Variants in DPP10 observed in about 807,000 individuals in gnomAD.
DPP10 encodes the protein inactive dipeptidyl peptidase 10.
Under a neutral mutation model 120.9 loss-of-function variants are expected in DPP10, and 33 were observed. The ratio of observed to expected loss-of-function variants is 0.27; its 90% CI spans 0.21 to 0.37. DPP10 has a LOEUF of 0.37. DPP10 is among the 10% of genes least tolerant of loss of function. The probability of loss-of-function intolerance (pLI) is 1.00; values close to 1 mark genes in which losing one functional copy is unlikely to be tolerated. For synonymous variants in DPP10, 337 were observed against 326.1 expected (o/e 1.03, Z -0.36); for missense variants, 816 against 942.8 (o/e 0.87, Z 1.76).
intron 1 of DPP10, among the ~76,000 whole-genome samples, chr2:114,497,288 CATGTACATGTATACGTGTAT>C (rs1558813993): frequency 0.031 from 1,650 of 52,558 alleles, 78 homozygotes; most frequent in African/African-American, 0.089. Flanking sequence ...TACGTGTATA[CATGTACATGTATACGTGTAT>C]ACATGTACAT....
At chr2:115,678,379 A>C (rs1262604446) in intron 5 of DPP10, among the ~76,000 whole-genome samples, 5 of 152,250 alleles carry the variant, frequency 3.3e-5, no homozygotes. Flanking sequence ...GCCATGCTAA[A>C]AGGGGCCGCG....
At chr2:114,823,683 C>A (rs943444297) in intron 1 of DPP10, among the ~76,000 whole-genome samples, 1 of 152,106 alleles carries the variant, frequency 6.6e-6, no homozygotes, top group African/African-American at 2.4e-5. Flanking sequence ...CTGCTCAGAG[C>A]ATAAGGAACA....
chr2:114,451,762 T>C (rs1678290999), intron 1 of DPP10, among the ~76,000 whole-genome samples: 1 of 152,074 alleles, frequency 6.6e-6, no homozygotes, highest in Non-Finnish European at 1.5e-5. Context: ...AGGGACAAGA[T>C]CTTGGGATCT....
chr2:115,807,222 A>G (rs1168620293), intron 19 of DPP10, among the ~76,000 whole-genome samples: 1 of 152,222 alleles, frequency 6.6e-6, no homozygotes, highest in East Asian at 1.9e-4. Context: ...GACAGCAAAT[A>G]TCATTAGGAG....
intron 1 of DPP10, among the ~76,000 whole-genome samples, chr2:114,672,561 A>G (rs529244181): frequency 6.6e-6 from 1 of 152,206 alleles, no homozygotes; most frequent in South Asian, 2.1e-4. Flanking sequence ...CAGATGAAAT[A>G]TCAGGCAAGA....
chr2:115,040,298 TAA>T (rs972237243), intron 1 of DPP10, among the ~76,000 whole-genome samples: 8 of 151,838 alleles, frequency 5.3e-5, no homozygotes, highest in African/African-American at 1.9e-4. Flanking sequence ...CATCTGTGGG[TAA>T]AGTCCTTCTT....
intron 1 of DPP10, among the ~76,000 whole-genome samples, chr2:114,681,038 A>T (rs2105707400): frequency 6.6e-6 from 1 of 152,036 alleles, no homozygotes; most frequent in Admixed American, 6.6e-5. Flanking sequence ...TTAGTTTTTA[A>T]TTAAGCTGAT....
chr2:115,140,294 C>A (rs879885422), intron 1 of DPP10, among the ~76,000 whole-genome samples: 2 of 152,050 alleles, frequency 1.3e-5, no homozygotes, highest in Non-Finnish European at 2.9e-5. Flanking sequence ...GTACTACTGG[C>A]AAAGGAAACA....
At chr2:115,644,649 G>A (rs181128313) in intron 5 of DPP10, among the ~76,000 whole-genome samples, 91 of 151,768 alleles carry the variant, frequency 6.0e-4, no homozygotes, top group African/African-American at 1.9e-3. Flanking sequence ...GCATGGTGGC[G>A]TGCACCACCT....
Position 114,870,872 on chromosome 2 carries a change from C to T in DPP10, c.60+428034C>T, listed in dbSNP as rs13398988. ...TTTCATGAACAGATAGCTTAGCAAG[C>T]TTAGCTGGGCCTGTTGTAGAACTTG... On this transcript the variant is annotated intron_variant, in intron 1 of 25. Coordinates refer to ENST00000410059, the MANE Select transcript of DPP10 (RefSeq NM_020868.6). Among the ~76,000 whole-genome samples the T allele has an allele frequency of 4.8e-3, 652 of 135,898 alleles. 100 individuals are homozygous for T. The highest frequency in any genetic ancestry group is 0.016 in the African/African-American group (636 of 39,098). The allele number at this position is 135,898 out of a possible 152,430, so 89.2% of individuals were successfully genotyped here. A position where few individuals can be genotyped will look rare whatever the true frequency, so the allele number is the denominator to read the frequency against.
chr2:115,085,304 G>A (rs67630691), intron 1 of DPP10, among the ~76,000 whole-genome samples: 38,625 of 151,960 alleles, frequency 0.25, 5,332 homozygotes, highest in East Asian at 0.31. Flanking sequence ...CTCCACCAAT[G>A]TGTGTATGTG....
At chr2:115,287,907 T>A (rs2060469683) in intron 1 of DPP10, among the ~76,000 whole-genome samples, 1 of 152,196 alleles carries the variant, frequency 6.6e-6, no homozygotes, top group Admixed American at 6.5e-5. Context: ...ATTTTATTTA[T>A]CCACTTATCT....
intron 19 of DPP10, among the ~76,000 whole-genome samples, chr2:115,805,959 G>A (rs1685914880): frequency 6.6e-6 from 1 of 152,090 alleles, no homozygotes; most frequent in Admixed American, 6.5e-5. Context: ...TTTTGCAGGT[G>A]AGAACCCTTG....
chr2:114,944,262 TTAA>T (rs1697189485), intron 1 of DPP10, among the ~76,000 whole-genome samples: 1 of 152,152 alleles, frequency 6.6e-6, no homozygotes, highest in Non-Finnish European at 1.5e-5. Context: ...CCCTACACTA[TTAA>T]TAATATGATT....
intron 1 of DPP10, among the ~76,000 whole-genome samples, chr2:115,022,469 C>A (rs1703146208): frequency 6.6e-6 from 1 of 151,258 alleles, no homozygotes; most frequent in African/African-American, 2.4e-5. Context: ...CGTGAAAGAA[C>A]AACAACAAAA....
chr2:115,827,258 GGTCA>G (rs546291963), intron 21 of DPP10, among the ~76,000 whole-genome samples: 1,543 of 148,136 alleles, frequency 0.01, 14 homozygotes, highest in Middle Eastern at 0.032. Context: ...GCTGTAAACA[GGTCA>G]GTATTTATGT....
chr2:115,181,044 A>G (rs1449814655), intron 1 of DPP10, among the ~76,000 whole-genome samples: 1 of 81,678 alleles, frequency 1.2e-5, no homozygotes, highest in Non-Finnish European at 3.6e-5. Flanking sequence ...TGATTTACGA[A>G]TAAGGACAAC....
intron 7 of DPP10, among the ~76,000 whole-genome samples, chr2:115,722,458 G>A (rs978854027): frequency 5.3e-5 from 8 of 151,674 alleles, no homozygotes; most frequent in South Asian, 4.2e-4. Flanking sequence ...GAAACGTGTC[G>A]TTACGCAATT....
At chr2:115,409,145 A>G (rs1206751816) in intron 3 of DPP10, among the ~76,000 whole-genome samples, 1 of 152,190 alleles carries the variant, frequency 6.6e-6, no homozygotes, top group Non-Finnish European at 1.5e-5. Flanking sequence ...CACTATAGAA[A>G]CTGTAGAAAT....
Sources: gnomAD v4.1 joint callset for allele counts (sites outside exome capture counted in the v4.1 genomes callset) on GRCh38, gnomAD v4.1.1 for gene constraint, MANE v1.5 for transcripts, NCBI Gene and HGNC (gene_info 2026-07-23, HGNC 2026-07-21) for gene names.